GRM1: variants seen among roughly 807,000 people sequenced by gnomAD.
GRM1 encodes the protein glutamate metabotropic receptor 1.
A neutral mutation model predicts 90.9 loss-of-function variants in GRM1; 33 were observed. The ratio of observed to expected loss-of-function variants is 0.36; its 90% CI spans 0.28 to 0.49. GRM1 has a LOEUF of 0.49. Ranked by LOEUF, GRM1 falls within the 20% of genes least tolerant of loss-of-function variation. GRM1 has a pLI of 0.99. For synonymous variants in GRM1, 700 were observed against 613.2 expected (o/e 1.14, Z -2.09); for missense variants, 1,190 against 1,534.3 (o/e 0.78, Z 3.75).
At chr6:146,341,439 G>A (rs1036594588) in intron 3 of GRM1, among the ~76,000 whole-genome samples, 7 of 152,036 alleles carry the variant, frequency 4.6e-5, no homozygotes, top group African/African-American at 1.7e-4. Flanking sequence ...TATACTTTTG[G>A]CATAAAAATG....
chr6:146,309,047 A>G (rs1327158932), intron 3 of GRM1, among the ~76,000 whole-genome samples: 1 of 152,074 alleles, frequency 6.6e-6, no homozygotes, highest in Non-Finnish European at 1.5e-5. Flanking sequence ...TTACATTTGG[A>G]TAATTTTCTT....
chr6:146,153,038 C>G (rs1035581761), intron 1 of GRM1, among the ~76,000 whole-genome samples: 1 of 152,112 alleles, frequency 6.6e-6, no homozygotes, highest in Non-Finnish European at 1.5e-5. Context: ...GGGCTCGTGG[C>G]TGGGTGTACT....
chr6:146,231,024 A>G (rs893475957), intron 2 of GRM1, among the ~76,000 whole-genome samples: 8 of 152,198 alleles, frequency 5.3e-5, no homozygotes, highest in Non-Finnish European at 1.2e-4. Context: ...ATGAACAGGA[A>G]GAACATGGAG....
intron 2 of GRM1, among the ~76,000 whole-genome samples, chr6:146,170,116 G>T (rs953927098): frequency 3.3e-5 from 5 of 151,590 alleles, no homozygotes; most frequent in African/African-American, 1.2e-4. Context: ...GGCCTCTTTT[G>T]TTTTTCATAA....
chr6:146,179,755 T>C (rs189944638), intron 2 of GRM1, among the ~76,000 whole-genome samples: 1 of 152,290 alleles, frequency 6.6e-6, no homozygotes, highest in East Asian at 1.9e-4. Flanking sequence ...GACCTTGTGA[T>C]CCGCCCACCT....
intron 6 of GRM1, among the ~76,000 whole-genome samples, chr6:146,388,595 G>A (rs952860922): frequency 6.6e-6 from 1 of 152,054 alleles, no homozygotes; most frequent in African/African-American, 2.4e-5. Context: ...TTTTTAAAGA[G>A]AAGAAAAGTA....
chr6:146,102,662 G>A (rs1777089154), intron 1 of GRM1, among the ~76,000 whole-genome samples: 1 of 152,112 alleles, frequency 6.6e-6, no homozygotes, highest in African/African-American at 2.4e-5. Context: ...ACTAATAACT[G>A]CAGATTTTAC....
chr6:146,353,008 T>C (rs1421418678), intron 4 of GRM1, among the ~76,000 whole-genome samples: 2 of 152,222 alleles, frequency 1.3e-5, no homozygotes, highest in African/African-American at 4.8e-5. Flanking sequence ...ACATATGTCT[T>C]GGAGCAAGAA....
At chr6:146,133,822 G>A (rs948576381) in intron 1 of GRM1, among the ~76,000 whole-genome samples, 3 of 152,354 alleles carry the variant, frequency 2.0e-5, no homozygotes, top group South Asian at 2.1e-4. Context: ...ACCAAAGCAC[G>A]TTAGGATATC....
intron 1 of GRM1, among the ~76,000 whole-genome samples, chr6:146,139,885 CCCTT>C (rs1272520579): frequency 2.3e-4 from 25 of 108,616 alleles, no homozygotes; most frequent in African/African-American, 9.0e-4. Context: ...CCCTTCCCTT[CCCTT>C]CCCTTCCCTT....
At chr6:146,053,236 C>T (rs1366040576) in intron 1 of GRM1, among the ~76,000 whole-genome samples, 1 of 152,040 alleles carries the variant, frequency 6.6e-6, no homozygotes, top group Non-Finnish European at 1.5e-5. Context: ...TCATTCACTT[C>T]ACAATACTTA....
At chr6:146,307,360 A>C (rs1783613542) in intron 3 of GRM1, among the ~76,000 whole-genome samples, 1 of 152,074 alleles carries the variant, frequency 6.6e-6, no homozygotes. Context: ...GGTTTATTTA[A>C]CTTTTCTATT....
chr6:146,201,652 C>G (rs1236222195), intron 2 of GRM1, among the ~76,000 whole-genome samples: 1 of 152,192 alleles, frequency 6.6e-6, no homozygotes, highest in Non-Finnish European at 1.5e-5. Flanking sequence ...GGGATTATGG[C>G]TTTAGCATAA....
chr6:146,119,109 C>T (rs1247754070), intron 1 of GRM1, among the ~76,000 whole-genome samples: 1 of 152,186 alleles, frequency 6.6e-6, no homozygotes, highest in African/African-American at 2.4e-5. Context: ...CCTGTTGTTT[C>T]CTGACTTTTT....
chr6:146,309,681 A>G (rs564131935), intron 3 of GRM1, among the ~76,000 whole-genome samples: 2 of 152,210 alleles, frequency 1.3e-5, no homozygotes, highest in South Asian at 4.1e-4. Context: ...AGTCATTTAG[A>G]CGACTTTTAA....
At chr6:146,160,395 T>C (rs983557921) in intron 2 of GRM1, among the ~76,000 whole-genome samples, 6 of 152,236 alleles carry the variant, frequency 3.9e-5, no homozygotes, top group Admixed American at 3.3e-4. Flanking sequence ...GGATTTTTCA[T>C]AGGGCTTTTG....
chr6:146,423,555 T>C (rs956945011), intron 7 of GRM1, among the ~76,000 whole-genome samples: 4 of 152,044 alleles, frequency 2.6e-5, no homozygotes, highest in Non-Finnish European at 5.9e-5. Context: ...GCTGTCAATA[T>C]GCCGGAAGGC....
At chr6:146,054,622 C>T (rs1775414258) in intron 1 of GRM1, among the ~76,000 whole-genome samples, 1 of 151,994 alleles carries the variant, frequency 6.6e-6, no homozygotes. Flanking sequence ...ATTCATTTCT[C>T]ACATTTATGG....
chr6:146,164,435 T>C (rs758543396), intron 2 of GRM1, among the ~76,000 whole-genome samples: 3 of 152,184 alleles, frequency 2.0e-5, no homozygotes, highest in Non-Finnish European at 4.4e-5. Flanking sequence ...AACTTTTTAA[T>C]AACTACATCA....
Sources: gnomAD v4.1 joint callset for allele counts (sites outside exome capture counted in the v4.1 genomes callset) on GRCh38, gnomAD v4.1.1 for gene constraint, MANE v1.5 for transcripts, NCBI Gene and HGNC (gene_info 2026-07-23, HGNC 2026-07-21) for gene names.